The following TNIK variants were observed in gnomAD, a reference collection of about 807,000 sequenced individuals.
TNIK encodes the protein TRAF2 and NCK-interacting protein kinase.
Under a neutral mutation model 191.3 loss-of-function variants are expected in TNIK, and 49 were observed. The ratio of observed to expected loss-of-function variants is 0.26; its 90% CI spans 0.20 to 0.32. The LOEUF is 0.32. Ranked by LOEUF, TNIK falls within the 10% of genes least tolerant of loss-of-function variation. The probability of loss-of-function intolerance (pLI) is 1.00; values close to 1 mark genes in which losing one functional copy is unlikely to be tolerated. For synonymous variants in TNIK, 594 were observed against 600.9 expected, an observed-to-expected ratio of 0.99 and a Z score of 0.17; for missense variants, 1,155 against 1,702.3, an observed-to-expected ratio of 0.68 and a Z score of 5.66.
intron 2 of TNIK, chr3:171,347,190 A>G: frequency 6.5e-7 from 1 of 1,531,572 alleles, no homozygotes; most frequent in Non-Finnish European, 8.7e-7. Flanking sequence ...TGGAGTTGTG[A>G]TAATGCCCTT....
intron 18 of TNIK, among the ~76,000 whole-genome samples, chr3:171,118,354 C>T (rs946889087): frequency 6.6e-6 from 1 of 152,168 alleles, no homozygotes; most frequent in Non-Finnish European, 1.5e-5. Flanking sequence ...GTGAAAATGG[C>T]CATACTGCCC....
intron 2 of TNIK, among the ~76,000 whole-genome samples, chr3:171,317,245 C>T (rs1754734440): frequency 6.6e-6 from 1 of 151,974 alleles, no homozygotes; most frequent in Admixed American, 6.6e-5. Flanking sequence ...ATGGGAAGTC[C>T]ACAGACCAAG....
intron 15 of TNIK, among the ~76,000 whole-genome samples, chr3:171,135,285 A>T (rs1316418121): frequency 1.3e-5 from 2 of 152,226 alleles, no homozygotes; most frequent in East Asian, 3.8e-4. Context: ...TTACATAAAA[A>T]GTTCATACAC....
chr3:171,356,213 T>C (rs1324978706), intron 2 of TNIK, among the ~76,000 whole-genome samples: 1 of 152,144 alleles, frequency 6.6e-6, no homozygotes, highest in Non-Finnish European at 1.5e-5. Context: ...CACCTGGCTA[T>C]TGGAGCTGAT....
chr3:171,253,216 G>A (rs1746443125), intron 2 of TNIK, among the ~76,000 whole-genome samples: 2 of 149,214 alleles, frequency 1.3e-5, no homozygotes, highest in South Asian at 2.2e-4. Flanking sequence ...CCCAGGAGGC[G>A]GAACTTGCAG....
chr3:171,065,041 T>G (rs1400100913), intron 32 of TNIK, among the ~76,000 whole-genome samples: 2 of 152,198 alleles, frequency 1.3e-5, no homozygotes, highest in African/African-American at 4.8e-5. Flanking sequence ...TGTGTGCCCC[T>G]GGCTGTAAAC....
chr3:171,201,034 G>T (rs968505932), intron 4 of TNIK, among the ~76,000 whole-genome samples: 9 of 152,144 alleles, frequency 5.9e-5, no homozygotes, highest in Non-Finnish European at 1.0e-4. Context: ...GCAGGAAGAG[G>T]TGCAAGCGGG....
At position 171,123,664 on chromosome 3, in the gene TNIK, G is replaced by T; in HGVS notation, c.2052C>A (p.Ala684=). ...TACCATTCCCAGGAGAATTCTTTCT[G>T]GCTAATGCTGGGGATATAGAAGTTG... ...QRTTSISPAL[A]RKNSPGNGSA... The change falls in exon 18 of 33, where the codon GCC becomes GCA. Residue 684 remains alanine, a synonymous_variant. Coordinates refer to ENST00000436636, the MANE Select transcript of TNIK (RefSeq NM_015028.4). The T allele has an allele frequency of 6.3e-7, 1 of 1,576,768 alleles. No individual in the cohort carries two copies. Among genetic ancestry groups the T allele is most frequent in the Non-Finnish European group, 8.6e-7 (1 of 1,159,102 alleles).
intron 2 of TNIK, among the ~76,000 whole-genome samples, chr3:171,344,182 C>CT (rs915008285): frequency 1.3e-5 from 2 of 152,170 alleles, no homozygotes; most frequent in African/African-American, 4.8e-5. Flanking sequence ...TGCAGCACAG[C>CT]TTTAGTATTC....
At chr3:171,133,347 G>A (rs1311679959) in intron 15 of TNIK, among the ~76,000 whole-genome samples, 3 of 152,212 alleles carry the variant, frequency 2.0e-5, no homozygotes, top group Non-Finnish European at 4.4e-5. Flanking sequence ...AGAGATAGGC[G>A]ACGCCAGTGA....
intron 1 of TNIK, among the ~76,000 whole-genome samples, chr3:171,377,251 T>A (rs1043011281): frequency 5.3e-5 from 8 of 152,220 alleles, no homozygotes; most frequent in African/African-American, 1.9e-4. Context: ...TACTGGTAGC[T>A]TCCAGTTTGG....
chr3:171,316,656 G>C (rs1348947241), intron 2 of TNIK, among the ~76,000 whole-genome samples: 6 of 152,098 alleles, frequency 3.9e-5, no homozygotes, highest in Admixed American at 3.9e-4. Flanking sequence ...GCTATTCTGA[G>C]TGCAGTAAGA....
At chr3:171,186,384 T>C (rs530284010) in intron 7 of TNIK, among the ~76,000 whole-genome samples, 2 of 152,336 alleles carry the variant, frequency 1.3e-5, no homozygotes, top group East Asian at 3.9e-4. Flanking sequence ...TTGGTTTTGT[T>C]ATTTATTATT....
intron 7 of TNIK, among the ~76,000 whole-genome samples, chr3:171,184,560 A>T (rs1183487399): frequency 6.6e-6 from 1 of 152,222 alleles, no homozygotes; most frequent in African/African-American, 2.4e-5. Flanking sequence ...CTAACATGCT[A>T]TCTGGGTCAT....
At chr3:171,311,174 C>T (rs1388992133) in intron 2 of TNIK, among the ~76,000 whole-genome samples, 1 of 152,144 alleles carries the variant, frequency 6.6e-6, no homozygotes, top group African/African-American at 2.4e-5. Flanking sequence ...AGTAGCTTTC[C>T]CATTCAAAGT....
At chr3:171,206,132 T>C (rs192257064) in intron 4 of TNIK, among the ~76,000 whole-genome samples, 2 of 152,150 alleles carry the variant, frequency 1.3e-5, no homozygotes, top group African/African-American at 2.4e-5. Flanking sequence ...ACAGCAAGAA[T>C]GTAAGCTGCA....
At chr3:171,086,027 G>A (rs902269762) in intron 24 of TNIK, among the ~76,000 whole-genome samples, 1 of 152,142 alleles carries the variant, frequency 6.6e-6, no homozygotes, top group African/African-American at 2.4e-5. Flanking sequence ...TGCTGAATAA[G>A]CTGCAATGTC....
chr3:171,437,109 G>A (rs1726124925), intron 1 of TNIK, among the ~76,000 whole-genome samples: 1 of 152,180 alleles, frequency 6.6e-6, no homozygotes, highest in African/African-American at 2.4e-5. Context: ...GAAAGGAAGA[G>A]TCAATTTAAT....
chr3:171,073,910 A>AG (rs1719551707), intron 28 of TNIK, among the ~76,000 whole-genome samples: 1 of 151,954 alleles, frequency 6.6e-6, no homozygotes. Flanking sequence ...CACTGTTGGT[A>AG]GGAATGTAAG....
Sources: gnomAD v4.1 joint callset for allele counts (sites outside exome capture counted in the v4.1 genomes callset) on GRCh38, gnomAD v4.1.1 for gene constraint, MANE v1.5 for transcripts, NCBI Gene and HGNC (gene_info 2026-07-23, HGNC 2026-07-21) for gene names.